Variants in EPHA2 observed in about 807,000 individuals in gnomAD.
EPHA2 encodes ephrin type-A receptor 2.
Under a neutral mutation model 104.9 loss-of-function variants are expected in EPHA2, and 54 were observed. The ratio of observed to expected loss-of-function variants is 0.51; its 90% CI spans 0.41 to 0.65. The LOEUF is 0.65. Ranked by LOEUF, EPHA2 falls within the 30% of genes least tolerant of loss-of-function variation. The probability of loss-of-function intolerance (pLI) is 0.00; values close to 1 mark genes in which losing one functional copy is unlikely to be tolerated. For missense variants in EPHA2, 1,117 were observed against 1,369.5 expected (o/e 0.82, Z 2.91); for synonymous variants, 560 against 559.1 (o/e 1.00, Z -0.02).
chr1:16,138,096 G>A lies in EPHA2; in HGVS notation c.1069C>T (p.Arg357Cys), dbSNP rs924901221. Reference sequence around the variant, plus strand: ...GTGACGCTGTAGACAATGTCCTCGCGGCCCCCGCTGTCCTGAGGGGGCGTC... The same window carrying A: ...GTGACGCTGTAGACAATGTCCTCGCAGCCCCCGCTGTCCTGAGGGGGCGTC... ...RWTPPQDSGG[R>C]EDIVYSVTCE... Residue 357 changes from arginine to cysteine, a missense_variant, in exon 5 of 17, where the codon CGC becomes TGC. Arg to Cys is a radical substitution (Grantham distance 180, BLOSUM62 -3). This residue lies in a region of EPHA2 where 664 missense variants were observed against 784.8 expected (regional missense o/e 0.85). Coordinates refer to ENST00000358432, the MANE Select transcript of EPHA2 (RefSeq NM_004431.5). 10 of 1,610,404 alleles carry A rather than the reference G, an allele frequency of 6.2e-6. No homozygotes were observed. The highest frequency in any genetic ancestry group is 6.8e-6 in the Non-Finnish European group (8 of 1,179,606).
intron 1 of EPHA2, among the ~76,000 whole-genome samples, chr1:16,154,186 C>G (rs773631406): frequency 8.5e-5 from 13 of 152,110 alleles, no homozygotes; most frequent in Non-Finnish European, 1.8e-4. Context: ...TATAGTGATT[C>G]CAGCTGTCTC....
intron 3 of EPHA2, 112 bp from the exon 4 acceptor site, chr1:16,138,542 A>C (rs2024764407): frequency 7.5e-6 from 11 of 1,474,966 alleles, no homozygotes; most frequent in Non-Finnish European, 1.0e-5. Flanking sequence ...CAGGTCAGTA[A>C]ATCTCTATGG....
In EPHA2 at chr1:16,125,242, C is replaced by G. The variant is rs138818894; in HGVS notation, c.2904G>C (p.Gln968His). Residue 968 changes from glutamine (Q) to histidine (H), a missense_variant, in exon 17 of 17, where the codon CAG becomes CAC. Physicochemically the swap from Gln to His is conservative, Grantham distance 24. Coordinates refer to ENST00000358432, the MANE Select transcript of EPHA2 (RefSeq NM_004431.5). This position sits in a 1 kb window ranked among gnomAD's most constrained non-coding sequence, Gnocchi z 4.9. ...AGATGGGGATCCCCACAGTGTTCAC[C>G]TGGTCCTTGAGTCCCAGCAGGCTGT... ...IAYSLLGLKD[Q>H]VNTVGIPI 2.4e-3 allele frequency: 3,891 copies of G among 1,613,984 alleles called. 12 individuals carry two copies. Among genetic ancestry groups the G allele is most frequent in the Non-Finnish European group, 2.9e-3 (3,395 of 1,180,000 alleles).
Position 16,130,780 on chromosome 1 carries a change from C to A in EPHA2, c.2476-361G>T, listed in dbSNP as rs891885271. 6.6e-6 allele frequency among the ~76,000 whole-genome samples: 1 copy of A among 152,122 alleles called. No individual in the cohort carries two copies. Among genetic ancestry groups the A allele is most frequent in the South Asian group, 2.1e-4 (1 of 4,826 alleles). On this transcript the variant is annotated intron_variant, in intron 14 of 16. Coordinates refer to ENST00000358432, the MANE Select transcript of EPHA2 (RefSeq NM_004431.5). The surrounding 1 kb of genome is among the most constrained non-coding windows in gnomAD (Gnocchi z 4.5). ...GAGTAGCTGAGACTACAGGCACGTG[C>A]CAACACACTTGGCTAATTTTTTAAT...
In EPHA2 at chr1:16,124,421, AT is replaced by A. The variant is rs948542654; in HGVS notation, c.*793del. 2.0e-5 allele frequency: 3 copies of A among 152,566 alleles called. No homozygotes were observed. The highest frequency in any genetic ancestry group is 7.2e-5 in the African/African-American group (3 of 41,454). The allele number at this position is 152,566 out of a possible 1,614,324, so 9.5% of individuals were successfully genotyped here. A position where few individuals can be genotyped will look rare whatever the true frequency, so the allele number is the denominator to read the frequency against. The stretch of plus-strand genomic sequence containing the variant: ...AATATAAAAAAAATAATAAATTAAG[AT>A]TCGAAAAAAATGTCCAACAAAACAA... On this transcript the variant is annotated 3_prime_UTR_variant, in exon 17 of 17. Coordinates refer to ENST00000358432, the MANE Select transcript of EPHA2 (RefSeq NM_004431.5).
At chr1:16,138,467 A>C in intron 3 of EPHA2, 37 bp from the exon 4 acceptor site, 1 of 1,612,676 alleles carries the variant, frequency 6.2e-7, no homozygotes, top group Non-Finnish European at 8.5e-7. Context: ...CAAGGACATC[A>C]GTTCAATCTG....
At position 16,132,265 on chromosome 1, in the gene EPHA2, A is replaced by T; in HGVS notation, c.2124T>A (p.Asp708Glu). ...CCAGCTGCAGCACGCTGAACTCGCCATCCTTCTCCTGCCGGAGCACAGGCG... is the reference window on the plus strand; with the variant it reads ...CCAGCTGCAGCACGCTGAACTCGCCTTCCTTCTCCTGCCGGAGCACAGGCG... ...GALDKFLREK[D>E]GEFSVLQLVG... Residue 708 changes from aspartate to glutamate, a missense_variant, in exon 13 of 17, where the codon GAT becomes GAA. Coordinates refer to ENST00000358432, the MANE Select transcript of EPHA2 (RefSeq NM_004431.5). 6.2e-7 allele frequency: 1 copy of T among 1,614,084 alleles called. No individual in the cohort carries two copies. The highest frequency in any genetic ancestry group is 8.5e-7 in the Non-Finnish European group (1 of 1,180,016).
chr1:16,156,020 G>T lies in EPHA2; in HGVS notation c.-88C>A. 1.7e-6 allele frequency: 2 copies of T among 1,175,936 alleles called. No individual in the cohort carries two copies. The highest frequency in any genetic ancestry group is 2.3e-6 in the Non-Finnish European group (2 of 888,478). The allele number at this position is 1,175,936 out of a possible 1,614,324, so 72.8% of individuals were successfully genotyped here. On this transcript the variant is annotated 5_prime_UTR_variant, in exon 1 of 17. Transcript: ENST00000358432. ...CACGCCGGCCTCGGTGTCCGCTCCCGCCCGCCGGCCTGCGCGCAACTTCTG... is the reference window on the plus strand; with the variant it reads ...CACGCCGGCCTCGGTGTCCGCTCCCTCCCGCCGGCCTGCGCGCAACTTCTG...
At chr1:16,136,643 CAGAAGAAGAAAGAAGAAGAAAAGAAGAAA>C in intron 5 of EPHA2, among the ~76,000 whole-genome samples, 1 of 102,772 alleles carries the variant, frequency 9.7e-6, no homozygotes, top group African/African-American at 4.2e-5. Context: ...AAGAAGAAGA[CAGAAGAAGAAAGAAGAAGAAAAGAAGAAA>C]AGAAGAAGAA....
At position 16,135,210 on chromosome 1, in the gene EPHA2, G is replaced by A. The variant is rs748541923; in HGVS notation, c.1429-21C>T. On this transcript the variant is annotated intron_variant, in intron 6 of 16. Transcript: ENST00000358432. This position sits in a 1 kb window ranked among gnomAD's most constrained non-coding sequence, Gnocchi z 4.3. ...TCTCCCTGTGGGTGGGTGGCCGGCG[G>A]AGGAGCAGGCAGTGAGGGCAGGGCA... 16 of 1,612,930 alleles carry A rather than the reference G, an allele frequency of 9.9e-6. No individual in the cohort carries two copies. The highest frequency in any genetic ancestry group is 5.9e-6 in the Non-Finnish European group (7 of 1,179,868).
In EPHA2 at chr1:16,137,891, C is replaced by T. The variant is rs754988701; in HGVS notation, c.1274G>A (p.Arg425His). The T allele has an allele frequency of 2.5e-6, 4 of 1,613,868 alleles. No homozygotes were observed. In the East Asian group the frequency reaches 6.7e-5, roughly 27 times the overall value. The part of the protein sequence containing the change: ...RNGVSGLVTS[R>H]SFRTASVSIN... ...GCTGACACTGGCAGTACGGAAGCTG[C>T]GGCTGGTTACCAGGCCTGAGACGCC... The change falls in exon 5 of 17, where the codon CGC becomes CAC. Residue 425 changes from arginine (R) to histidine (H), a missense_variant. By Grantham distance (29) the Arg-to-His change is conservative. Coordinates refer to ENST00000358432, the MANE Select transcript of EPHA2 (RefSeq NM_004431.5).
At position 16,155,888 on chromosome 1, in the gene EPHA2, G is replaced by A. The variant is rs1165972106; in HGVS notation, c.45C>T (p.Gly15=). The A allele has an allele frequency of 2.0e-6, 3 of 1,486,048 alleles. No individual in the cohort carries two copies. Among genetic ancestry groups the A allele is most frequent in the South Asian group, 1.3e-5 (1 of 78,534 alleles). The allele number at this position is 1,486,048 out of a possible 1,614,324, so 92.1% of individuals were successfully genotyped here. A position where few individuals can be genotyped will look rare whatever the true frequency, so the allele number is the denominator to read the frequency against. ...AARACFALLW[G]CALAAAAAAQ... The stretch of plus-strand genomic sequence containing the variant: ...CCGCCGCGGCCGCGGCCAGCGCACA[G>A]CCCCACAGCAGGGCGAAGCAGGCGC... The change falls in exon 1 of 17, where the codon GGC becomes GGT. Residue 15 remains glycine (G), a synonymous_variant. Coordinates refer to ENST00000358432, the MANE Select transcript of EPHA2 (RefSeq NM_004431.5).
At chr1:16,142,281 T>C (rs983421431) in intron 3 of EPHA2, among the ~76,000 whole-genome samples, 21 of 152,246 alleles carry the variant, frequency 1.4e-4, no homozygotes, top group African/African-American at 4.8e-4. Flanking sequence ...TGCTGGGTGC[T>C]AGGATGCGAT....
At position 16,135,846 on chromosome 1, in the gene EPHA2, C is replaced by T. The variant is rs1002640759; in HGVS notation, c.1313-76G>A. ...GGCAGGGTTTGGGGGGACAAGTGGA[C>T]GTGGAGCCACATCCTCCACAGCCCA... On this transcript the variant is annotated intron_variant, in intron 5 of 16. Transcript: ENST00000358432. The surrounding 1 kb of genome is among the most constrained non-coding windows in gnomAD (Gnocchi z 4.3). 1.3e-5 allele frequency: 10 copies of T among 741,030 alleles called. No homozygotes were observed. The highest frequency in any genetic ancestry group is 5.7e-5 in the South Asian group (4 of 70,534). 45.9% of individuals were successfully genotyped at this position (741,030 alleles called of 1,614,324 possible).
chr1:16,135,780 A>T lies in EPHA2; in HGVS notation c.1313-10T>A, dbSNP rs1396654560. ...CTCACCTTGGGGGGCTCTGGGCAGG[A>T]CAGGCAGTGGGGGAAGTGGGTAAGA... On this transcript the variant is annotated splice_polypyrimidine_tract_variant and intron_variant, in intron 5 of 16. Coordinates refer to ENST00000358432, the MANE Select transcript of EPHA2 (RefSeq NM_004431.5). This position sits in a 1 kb window ranked among gnomAD's most constrained non-coding sequence, Gnocchi z 4.3. The T allele has an allele frequency of 6.4e-7, 1 of 1,569,986 alleles. No individual in the cohort carries two copies. The highest frequency in any genetic ancestry group is 1.7e-5 in the Admixed American group (1 of 59,946).
At position 16,133,841 on chromosome 1, in the gene EPHA2, A is replaced by G. The variant is rs369226862; in HGVS notation, c.1738+19T>C. On this transcript the variant is annotated intron_variant, in intron 9 of 16. Coordinates refer to ENST00000358432, the MANE Select transcript of EPHA2 (RefSeq NM_004431.5). The stretch of plus-strand genomic sequence containing the variant: ...ACGGTGCGGGCAGGGCTGGGCCTGG[A>G]GCGGGGGCTGCGTCTCACCTGACTT... 67 of 1,540,768 alleles carry G rather than the reference A, an allele frequency of 4.3e-5. No homozygotes were observed. The South Asian group carries it at 5.7e-4, about 13-fold the overall frequency.
At chr1:16,140,067 T>C (rs1236368378) in intron 3 of EPHA2, among the ~76,000 whole-genome samples, 2 of 152,170 alleles carry the variant, frequency 1.3e-5, no homozygotes, top group African/African-American at 4.8e-5. Context: ...GTCCCCTGTG[T>C]GAGCAGAGGT....
At position 16,148,923 on chromosome 1, in the gene EPHA2, C is replaced by T. The variant is rs773163502; in HGVS notation, c.278G>A (p.Arg93His). 16 of 1,614,004 alleles carry T rather than the reference C, an allele frequency of 9.9e-6. No individual in the cohort carries two copies. Among genetic ancestry groups the T allele is most frequent in the South Asian group, 3.3e-5 (3 of 91,090 alleles). ...TNWVYRGEAE[R>H]IFIELKFTVR... is the part of the protein sequence containing the mutation. ...AGTAAACTTGAGCTCAATGAAGATA[C>T]GCTCAGCCTCTCCTCGGTACACCCA... The change falls in exon 3 of 17, where the codon CGT (arginine) becomes CAT (histidine). Residue 93 changes from arginine (R) to histidine (H), a missense_variant. Arg to His is a conservative substitution (Grantham distance 29). Coordinates refer to ENST00000358432, the MANE Select transcript of EPHA2 (RefSeq NM_004431.5). The surrounding 1 kb of genome is among the most constrained non-coding windows in gnomAD (Gnocchi z 4.9).
In EPHA2 at chr1:16,128,546, C is replaced by T. The variant is rs890481936; in HGVS notation, c.2825+888G>A. Among the ~76,000 whole-genome samples the T allele has an allele frequency of 2.6e-5, 4 of 152,204 alleles. No homozygotes were observed. The highest frequency in any genetic ancestry group is 6.5e-5 in the Admixed American group (1 of 15,290). On this transcript the variant is annotated intron_variant, in intron 16 of 16. Transcript: ENST00000358432. This position sits in a 1 kb window ranked among gnomAD's most constrained non-coding sequence, Gnocchi z 4.7. ...CGGTTCCCAAAACCTCCCAGCCTCC[C>T]GGTCTGTTCCCGCCATGATCTTTGA...
Sources: gnomAD v4.1 joint callset for allele counts (sites outside exome capture counted in the v4.1 genomes callset) on GRCh38, gnomAD v4.1.1 for gene constraint, gnomAD v4.1.1 regional missense constraint, Gnocchi (gnomAD v3.1) non-coding constraint, MANE v1.5 for transcripts, NCBI Gene and HGNC (gene_info 2026-07-23, HGNC 2026-07-21) for gene names.